Variants in IPMK observed in about 807,000 individuals in gnomAD.
IPMK encodes inositol polyphosphate multikinase, also known as inositol 1,3,4,6-tetrakisphosphate 5-kinase.
Under a neutral mutation model 45.8 loss-of-function variants are expected in IPMK, and 17 were observed. The ratio of observed to expected loss-of-function variants is 0.37; its 90% CI spans 0.25 to 0.56. IPMK has a LOEUF of 0.56. IPMK is among the 20% of genes least tolerant of loss of function. The pLI is 0.79. For synonymous variants in IPMK, 180 were observed against 184.3 expected, an observed-to-expected ratio of 0.98 and a Z score of 0.19; for missense variants, 399 against 498.0, an observed-to-expected ratio of 0.80 and a Z score of 1.89.
intron 2 of IPMK, among the ~76,000 whole-genome samples, chr10:58,228,397 C>T (rs554034780): frequency 6.6e-6 from 1 of 152,258 alleles, no homozygotes; most frequent in South Asian, 2.1e-4. Flanking sequence ...TTTGAAACTA[C>T]TCATAGTTTA....
Position 58,216,252 on chromosome 10 carries a change from T to A in IPMK, c.439A>T (p.Ile147Leu), listed in dbSNP as rs907949538. The A allele has an allele frequency of 6.2e-7, 1 of 1,610,396 alleles. No homozygotes were observed. The highest frequency in any genetic ancestry group is 1.7e-5 in the Admixed American group (1 of 59,836). ...AAAGGATCATAGCTTTTTTGCCCTA[T>A]CTTTACATCCATTATACAGGGCTTA... ...FNKPCIMDVK[I>L]GQKSYDPFAS... is the part of the protein sequence containing the mutation. The change falls in exon 4 of 6, where the codon ATA becomes TTA. Residue 147 changes from isoleucine to leucine, a missense_variant. By Grantham distance (5) the Ile-to-Leu change is conservative. Around this residue, in one of 2 missense-constraint regions of IPMK, gnomAD observed 288 missense variants for 398.0 expected, o/e 0.72. Transcript: ENST00000373935.
intron 1 of IPMK, among the ~76,000 whole-genome samples, chr10:58,257,837 AAGAG>A (rs1213931887): frequency 6.6e-6 from 1 of 152,204 alleles, no homozygotes; most frequent in Non-Finnish European, 1.5e-5. Context: ...ATTAAACACA[AAGAG>A]AGACATATCA....
intron 1 of IPMK, among the ~76,000 whole-genome samples, chr10:58,252,175 T>G (rs1451668358): frequency 6.6e-6 from 1 of 152,232 alleles, no homozygotes; most frequent in African/African-American, 2.4e-5. Flanking sequence ...ACCACGAGGC[T>G]TATAAAAAAC....
chr10:58,227,184 G>C (rs984375737), intron 2 of IPMK, 45 bp from the exon 3 acceptor site: 2 of 1,315,122 alleles, frequency 1.5e-6, no homozygotes, highest in Non-Finnish European at 2.2e-6. Flanking sequence ...ACAATGCTTT[G>C]TAACTGCCCT....
At chr10:58,250,528 T>C (rs993572305) in intron 1 of IPMK, among the ~76,000 whole-genome samples, 2 of 152,204 alleles carry the variant, frequency 1.3e-5, no homozygotes, top group African/African-American at 4.8e-5. Context: ...GTTGACTTTG[T>C]ATCTTGCAGC....
rs1839174993 is a variant in IPMK at position 58,267,718 on chromosome 10, C to T, written c.-107G>A. The T allele has an allele frequency of 2.9e-6, 2 of 680,660 alleles. No homozygotes were observed. The highest frequency in any genetic ancestry group is 2.8e-5 in the East Asian group (1 of 35,716). 42.2% of individuals were successfully genotyped at this position (680,660 alleles called of 1,614,324 possible). A position where few individuals can be genotyped will look rare whatever the true frequency, so the allele number is the denominator to read the frequency against. Reference sequence around the variant, plus strand: ...CGCTCAGGCTCGGGCGCGAGGAGGCCCGGGGGTTCCCGCGGCTGGTGCCCT... The same window carrying T: ...CGCTCAGGCTCGGGCGCGAGGAGGCTCGGGGGTTCCCGCGGCTGGTGCCCT... On this transcript the variant is annotated 5_prime_UTR_variant, in exon 1 of 6. Coordinates refer to ENST00000373935, the MANE Select transcript of IPMK (RefSeq NM_152230.5).
chr10:58,222,994 G>A (rs1432807509), intron 3 of IPMK, among the ~76,000 whole-genome samples: 6 of 152,132 alleles, frequency 3.9e-5, no homozygotes, highest in South Asian at 2.1e-4. Context: ...TGGGGATTCC[G>A]GGGAAAAGGC....
At chr10:58,211,965 T>A (rs1275959275) in intron 4 of IPMK, among the ~76,000 whole-genome samples, 1 of 148,522 alleles carries the variant, frequency 6.7e-6, no homozygotes, top group South Asian at 2.1e-4. Flanking sequence ...GCAAGAGGGA[T>A]AATGAGTGTG....
chr10:58,216,494 C>T (rs1415008297), intron 3 of IPMK, among the ~76,000 whole-genome samples, 177 bp from the exon 4 acceptor site: 1 of 150,450 alleles, frequency 6.6e-6, no homozygotes, highest in Non-Finnish European at 1.5e-5. Flanking sequence ...AAATTTATAA[C>T]AAGTATAAAC....
intron 2 of IPMK, among the ~76,000 whole-genome samples, chr10:58,231,886 T>C (rs550591511): frequency 6.6e-4 from 101 of 152,242 alleles, no homozygotes; most frequent in African/African-American, 2.4e-3. Flanking sequence ...GACTGGCAAA[T>C]TGGATAAAGA....
At chr10:58,243,772 C>T (rs1360628334) in intron 1 of IPMK, among the ~76,000 whole-genome samples, 1 of 152,234 alleles carries the variant, frequency 6.6e-6, no homozygotes, top group African/African-American at 2.4e-5. Context: ...AAGATTACAG[C>T]CTCTGCCCAC....
chr10:58,199,350 A>G, intron 4 of IPMK, 29 bp from the exon 5 acceptor site: 1 of 1,481,748 alleles, frequency 6.7e-7, no homozygotes, highest in Non-Finnish European at 9.3e-7. Flanking sequence ...AATATTAAAA[A>G]GCTAATACTC....
chr10:58,216,352 CAAA>C, intron 3 of IPMK, 35 bp from the exon 4 acceptor site: 20 of 1,025,824 alleles, frequency 1.9e-5, no homozygotes, highest in Non-Finnish European at 2.7e-5. Flanking sequence ...TAGTAATAGG[CAAA>C]CATATTACTA....
chr10:58,199,948 C>A (rs1489239892), intron 4 of IPMK, among the ~76,000 whole-genome samples: 2 of 151,776 alleles, frequency 1.3e-5, no homozygotes, highest in Non-Finnish European at 2.9e-5. Flanking sequence ...AAATGTAACC[C>A]CCAAAGAACA....
At chr10:58,206,481 T>TA (rs1324384951) in intron 4 of IPMK, among the ~76,000 whole-genome samples, 2 of 152,292 alleles carry the variant, frequency 1.3e-5, no homozygotes, top group Non-Finnish European at 2.9e-5. Context: ...AAAGCTATTT[T>TA]AAAAAACTAA....
chr10:58,256,904 A>C (rs116853085), intron 1 of IPMK, among the ~76,000 whole-genome samples: 1,958 of 152,250 alleles, frequency 0.013, 17 homozygotes, highest in Non-Finnish European at 0.02. Context: ...CTCTACAAAA[A>C]ATAAATGAAA....
In IPMK at chr10:58,201,834, A is replaced by T. The variant is rs536327205; in HGVS notation, c.547-2513T>A. On this transcript the variant is annotated intron_variant, in intron 4 of 5. Coordinates refer to ENST00000373935, the MANE Select transcript of IPMK (RefSeq NM_152230.5). ...GGAAATTCAGAGTGCTAACTACAGT[A>T]AACACACAAATGATAAGAAAGTGAA... Among the ~76,000 whole-genome samples, 3 of 152,338 alleles carry T rather than the reference A, an allele frequency of 2.0e-5. No individual in the cohort carries two copies. The South Asian group carries it at 6.2e-4, about 32-fold the overall frequency.
At chr10:58,198,789 G>A (rs1358689711) in intron 5 of IPMK, among the ~76,000 whole-genome samples, 1 of 152,072 alleles carries the variant, frequency 6.6e-6, no homozygotes, top group Non-Finnish European at 1.5e-5. Context: ...TATTCATTAT[G>A]TAGCTCTAGA....
intron 1 of IPMK, among the ~76,000 whole-genome samples, chr10:58,247,876 A>T (rs1313851936): frequency 1.3e-5 from 2 of 152,236 alleles, no homozygotes; most frequent in Non-Finnish European, 2.9e-5. Flanking sequence ...CTCTCACATT[A>T]AAAGGAGTAA....
Sources: allele counts gnomAD v4.1 joint callset (sites outside exome capture counted in the v4.1 genomes callset), GRCh38; gene constraint gnomAD v4.1.1; regional missense constraint gnomAD v4.1.1; transcripts MANE v1.5; gene names NCBI Gene and HGNC (gene_info 2026-07-23, HGNC 2026-07-21).